RBFOX1: variants seen among roughly 807,000 people sequenced by gnomAD.
RBFOX1 encodes the protein RNA binding fox-1 homolog 1.
A neutral mutation model predicts 57.7 loss-of-function variants in RBFOX1; 8 were observed. The ratio of observed to expected loss-of-function variants is 0.14; its 90% confidence interval spans 0.08 to 0.25. RBFOX1 has a LOEUF of 0.25. RBFOX1 is among the 10% of genes least tolerant of loss of function. The pLI is 1.00. For missense variants in RBFOX1, 611 were observed against 548.5 expected (o/e 1.11, Z -1.14); for synonymous variants, 326 against 222.4 (o/e 1.47, Z -4.15).
chr16:6,568,409 A>C (rs966407771), intron 2 of RBFOX1, among the ~76,000 whole-genome samples: 3 of 152,158 alleles, frequency 2.0e-5, no homozygotes, highest in East Asian at 3.9e-4. Flanking sequence ...TCTCTACCAA[A>C]TTGAGTTATG....
chr16:5,336,834 G>A (rs754680664), intron 1 of RBFOX1, among the ~76,000 whole-genome samples: 7 of 152,146 alleles, frequency 4.6e-5, no homozygotes, highest in Non-Finnish European at 5.9e-5. Flanking sequence ...TGGTGCTCAT[G>A]GCTTTTTAAA....
At position 6,780,059 on chromosome 16, in the gene RBFOX1, A is replaced by G. The variant is rs1178952028; in HGVS notation, c.-16+125409A>G. 5.3e-5 allele frequency among the ~76,000 whole-genome samples: 2 copies of G among 37,508 alleles called. 1 individual carries two copies. Among genetic ancestry groups the G allele is most frequent in the African/African-American group, 3.1e-4 (2 of 6,374 alleles). 24.6% of individuals were successfully genotyped at this position (37,508 alleles called of 152,430 possible). On this transcript the variant is annotated intron_variant, in intron 3 of 15. Transcript: ENST00000550418. ...TTTATATATATTTACATATTTATAT[A>G]TATTTATATATATTTACATATTTAT...
At chr16:7,646,935 TG>T (rs1418801306) in intron 11 of RBFOX1, among the ~76,000 whole-genome samples, 3 of 151,394 alleles carry the variant, frequency 2.0e-5, no homozygotes, top group Admixed American at 6.6e-5. Context: ...TCATTGGAGG[TG>T]GGAGGTGGGG....
At chr16:7,264,454 A>G (rs896694939) in intron 4 of RBFOX1, among the ~76,000 whole-genome samples, 1 of 152,176 alleles carries the variant, frequency 6.6e-6, no homozygotes, top group Non-Finnish European at 1.5e-5. Flanking sequence ...CAAACTCACA[A>G]AGCTAAGTCT....
chr16:5,999,115 A>C (rs749908567), intron 4 of RBFOX1, among the ~76,000 whole-genome samples: 1 of 152,128 alleles, frequency 6.6e-6, no homozygotes, highest in Non-Finnish European at 1.5e-5. Context: ...AGTCATTAGC[A>C]ATTCATTAGT....
intron 4 of RBFOX1, among the ~76,000 whole-genome samples, chr16:6,011,603 A>G (rs964378383): frequency 2.0e-5 from 3 of 152,124 alleles, no homozygotes; most frequent in African/African-American, 7.2e-5. Context: ...GGCATAGAGT[A>G]TGTTCTCAAA....
intron 2 of RBFOX1, among the ~76,000 whole-genome samples, chr16:6,323,283 C>G (rs574668051): frequency 6.6e-6 from 1 of 152,240 alleles, no homozygotes; most frequent in South Asian, 2.1e-4. Context: ...GGCAGCACCC[C>G]ACTGTCAGCC....
At chr16:6,790,985 G>A (rs78113312) in intron 3 of RBFOX1, among the ~76,000 whole-genome samples, 4,481 of 151,808 alleles carry the variant, frequency 0.03, 202 homozygotes, top group African/African-American at 0.095. Flanking sequence ...GACTCACTGC[G>A]TCTTCTGGCT....
Position 7,064,007 on chromosome 16 carries a change from A to G in RBFOX1, c.27+11909A>G, listed in dbSNP as rs567189154. 1.7e-4 allele frequency among the ~76,000 whole-genome samples: 26 copies of G among 152,282 alleles called. No individual in the cohort carries two copies. In the South Asian group the frequency reaches 5.4e-3, roughly 32 times the overall value. Reference sequence around the variant, plus strand: ...CAACTATACTAAATTATCATGTTATATGGGCTGAGTTGTGTCCTGACAAAA... The same window carrying G: ...CAACTATACTAAATTATCATGTTATGTGGGCTGAGTTGTGTCCTGACAAAA... On this transcript the variant is annotated intron_variant, in intron 4 of 15. Coordinates refer to ENST00000550418, the MANE Select transcript of RBFOX1 (RefSeq NM_018723.4).
intron 1 of RBFOX1, among the ~76,000 whole-genome samples, chr16:6,193,944 C>G (rs1192905563): frequency 6.6e-6 from 1 of 152,184 alleles, no homozygotes; most frequent in East Asian, 1.9e-4. Context: ...GTTCTGACCT[C>G]CGCCTCTTGG....
At chr16:6,303,740 C>T (rs569822161) in intron 1 of RBFOX1, among the ~76,000 whole-genome samples, 1 of 150,618 alleles carries the variant, frequency 6.6e-6, no homozygotes, top group East Asian at 2.0e-4. Flanking sequence ...CTTTGGGAGG[C>T]CGAGGAGGGT....
chr16:7,099,984 A>C (rs150666316), intron 4 of RBFOX1, among the ~76,000 whole-genome samples: 29 of 152,182 alleles, frequency 1.9e-4, no homozygotes, highest in Middle Eastern at 3.4e-3. Context: ...CTCAGTTCTC[A>C]TCATGGTCTG....
rs185536854 is a variant in RBFOX1, at chr16:6,782,293, A to G, written c.-16+127643A>G. ...GTGTTTTGTTTTCCTTTTTTGATAC[A>G]GGCATTTATTGTTATAAACTACCAT... On this transcript the variant is annotated intron_variant, in intron 3 of 15. Coordinates refer to ENST00000550418, the MANE Select transcript of RBFOX1 (RefSeq NM_018723.4). Among the ~76,000 whole-genome samples the G allele has an allele frequency of 2.0e-5, 3 of 152,182 alleles. No homozygotes were observed. In the East Asian group the frequency reaches 5.8e-4, roughly 29 times the overall value.
chr16:7,591,592 T>C (rs891601938), intron 7 of RBFOX1, among the ~76,000 whole-genome samples: 3 of 152,198 alleles, frequency 2.0e-5, no homozygotes, highest in Non-Finnish European at 2.9e-5. Context: ...CTACTGATTA[T>C]ACCTGCTCAT....
chr16:5,662,258 T>G (rs2049678782), intron 3 of RBFOX1, among the ~76,000 whole-genome samples: 1 of 152,206 alleles, frequency 6.6e-6, no homozygotes, highest in African/African-American at 2.4e-5. Flanking sequence ...CTGAACCATT[T>G]TAATTTCAGG....
At chr16:6,130,609 C>G (rs996004935) in intron 1 of RBFOX1, among the ~76,000 whole-genome samples, 2 of 152,154 alleles carry the variant, frequency 1.3e-5, no homozygotes, top group African/African-American at 4.8e-5. Flanking sequence ...AAGCAAGAAT[C>G]CGTTATTTGC....
chr16:7,440,372 A>G (rs2098756893), intron 4 of RBFOX1, among the ~76,000 whole-genome samples: 1 of 152,288 alleles, frequency 6.6e-6, no homozygotes, highest in Non-Finnish European at 1.5e-5. Flanking sequence ...AGGAGGGGGA[A>G]AGGAGGTAGA....
intron 3 of RBFOX1, among the ~76,000 whole-genome samples, chr16:6,927,051 C>T (rs775456712): frequency 1.3e-5 from 2 of 152,010 alleles, no homozygotes; most frequent in Non-Finnish European, 2.9e-5. Flanking sequence ...CCTAAATCCA[C>T]CCACCATTTT....
At chr16:5,496,199 G>A (rs1055768397) in intron 2 of RBFOX1, among the ~76,000 whole-genome samples, 3 of 152,142 alleles carry the variant, frequency 2.0e-5, no homozygotes, top group African/African-American at 7.2e-5. Context: ...CATCTCTCTC[G>A]AGTGCACCTC....
Sources: gnomAD v4.1 joint callset for allele counts (sites outside exome capture counted in the v4.1 genomes callset) on GRCh38, gnomAD v4.1.1 for gene constraint, MANE v1.5 for transcripts, NCBI Gene and HGNC (gene_info 2026-07-23, HGNC 2026-07-21) for gene names.